LNX2: variants seen among roughly 807,000 people sequenced by gnomAD.
The protein encoded by LNX2 is ligand of Numb protein X 2.
Under a neutral mutation model 66.2 loss-of-function variants are expected in LNX2, and 35 were observed. That is an observed-to-expected ratio of 0.53 (90% CI 0.40 to 0.70). The LOEUF (loss-of-function observed/expected upper bound fraction) is 0.70, where lower values mean the gene tolerates loss of function less well. Among genes scored for constraint, LNX2 ranks in the 30% least tolerant of loss-of-function variants. The probability of loss-of-function intolerance (pLI) is 0.00; values close to 1 mark genes in which losing one functional copy is unlikely to be tolerated. For synonymous variants in LNX2, 337 were observed against 315.6 expected (o/e 1.07, Z -0.72); for missense variants, 791 against 850.8 (o/e 0.93, Z 0.87).
chr13:27,560,580 T>TATATATATATATATATATATATATATAC (rs1361261308), intron 5 of LNX2, among the ~76,000 whole-genome samples: 151 of 147,790 alleles, frequency 1.0e-3, no homozygotes, highest in African/African-American at 3.8e-3. Flanking sequence ...TATATATATA[T>TATATATATATATATATATATATATATAC]ATATAGCATA....
Position 27,613,269 on chromosome 13 carries a change from G to A in LNX2, c.-101+7106C>T, listed in dbSNP as rs143613341. ...CTCTGCAAGGCCAAAAGGTGTCCCTGCAGCAGGGAGGGGAGGGTGAGGTGG... is the reference window on the plus strand; with the variant it reads ...CTCTGCAAGGCCAAAAGGTGTCCCTACAGCAGGGAGGGGAGGGTGAGGTGG... On this transcript the variant is annotated intron_variant, in intron 1 of 9. Transcript: ENST00000316334. 9.3e-4 allele frequency among the ~76,000 whole-genome samples: 142 copies of A among 151,962 alleles called. 2 individuals carry two copies. Among genetic ancestry groups the A allele is most frequent in the South Asian group, 2.1e-3 (10 of 4,824 alleles).
rs577736224 is a variant in LNX2, at chr13:27,553,811, G to C, written c.1547-372C>G. Among the ~76,000 whole-genome samples, 6 of 152,198 alleles carry C rather than the reference G, an allele frequency of 3.9e-5. No homozygotes were observed. In the South Asian group the frequency reaches 1.2e-3, roughly 32 times the overall value. On this transcript the variant is annotated intron_variant, in intron 7 of 9. Transcript: ENST00000316334. The stretch of plus-strand genomic sequence containing the variant: ...AATTCTGTCCAATCAAAAATCACTT[G>C]ATCCTTTGCCCTTAGAAATAAATCT...
rs182278210 is a variant in LNX2, at chr13:27,613,801, C to T, written c.-101+6574G>A. On this transcript the variant is annotated intron_variant, in intron 1 of 9. Coordinates refer to ENST00000316334, the MANE Select transcript of LNX2 (RefSeq NM_153371.4). ...AAAAATAAAAAAATAAAAATACAGG[C>T]GAAGCAAAGGTCACCCGGCTGCAAA... Among the ~76,000 whole-genome samples the T allele has an allele frequency of 4.1e-3, 631 of 152,076 alleles. 3 individuals carry two copies. The highest frequency in any genetic ancestry group is 3.9e-3 in the Non-Finnish European group (266 of 67,974).
intron 2 of LNX2, among the ~76,000 whole-genome samples, chr13:27,571,340 T>C (rs1215375599): frequency 6.6e-6 from 1 of 152,196 alleles, no homozygotes; most frequent in African/African-American, 2.4e-5. Context: ...AATTAGAAGG[T>C]AACCTCAGAA....
In LNX2 at chr13:27,546,788, T is replaced by C. The variant is rs1954944436; in HGVS notation, c.*1547A>G. 1 of 152,166 alleles carries C rather than the reference T, an allele frequency of 6.6e-6. No individual in the cohort carries two copies. Among genetic ancestry groups the C allele is most frequent in the Non-Finnish European group, 1.5e-5 (1 of 68,008 alleles). 9.4% of individuals were successfully genotyped at this position (152,166 alleles called of 1,614,324 possible). On this transcript the variant is annotated 3_prime_UTR_variant, in exon 10 of 10. Coordinates refer to ENST00000316334, the MANE Select transcript of LNX2 (RefSeq NM_153371.4). ...TTCTGAACTAGGTTTCTAAATGAAA[T>C]TTTTTTCAAGTATGTATAATATTAA...
chr13:27,569,410 G>A (rs1304109726), intron 2 of LNX2, 134 bp from the exon 3 acceptor site: 2 of 849,146 alleles, frequency 2.4e-6, no homozygotes, highest in African/African-American at 3.4e-5. Context: ...ACATAGTTCT[G>A]ATCCTAATCT....
chr13:27,564,341 A>C, intron 4 of LNX2, among the ~76,000 whole-genome samples: 2 of 150,502 alleles, frequency 1.3e-5, no homozygotes, highest in Middle Eastern at 3.4e-3. Flanking sequence ...CAGCATAGCA[A>C]ACTATCTCAT....
chr13:27,596,793 A>G lies in LNX2; in HGVS notation c.-100-14990T>C, dbSNP rs1955603379. Among the ~76,000 whole-genome samples the G allele has an allele frequency of 1.3e-5, 2 of 152,230 alleles. 1 individual carries two copies. The highest frequency in any genetic ancestry group is 4.1e-4 in the South Asian group (2 of 4,834). Reference sequence around the variant, plus strand: ...AAGAGAAAAAGCTAAACATTAAAGGAATGACTCTTTAAGACACTGACAAGG... The same window carrying G: ...AAGAGAAAAAGCTAAACATTAAAGGGATGACTCTTTAAGACACTGACAAGG... On this transcript the variant is annotated intron_variant, in intron 1 of 9. Transcript: ENST00000316334.
At chr13:27,558,986 T>A (rs1955096650) in intron 6 of LNX2, among the ~76,000 whole-genome samples, 1 of 152,126 alleles carries the variant, frequency 6.6e-6, no homozygotes, top group Non-Finnish European at 1.5e-5. Context: ...GCAATTTAAT[T>A]TTACTTAAGG....
In LNX2 at chr13:27,550,394, G is replaced by A; in HGVS notation, c.1876C>T (p.Gln626Ter). 6.2e-7 allele frequency: 1 copy of A among 1,613,840 alleles called. No homozygotes were observed. ...VGGYEENHTNQPFFIKTIVLG... is the reference protein window; with the variant it reads ...VGGYEENHTN ...ACAATAGTTTTAATGAAAAAAGGCT[G>A]ATTGGTGTGGTTCTCTTCATATCCA... is the stretch of plus-strand genomic sequence containing the variant. Residue 626 changes from glutamine (Q) to a stop codon, truncating the protein, a stop_gained, in exon 9 of 10, where the codon CAG becomes TAG. Transcript: ENST00000316334. LOFTEE classifies it high-confidence loss of function.
rs1954941726 is a variant in LNX2, at chr13:27,546,580, A to G, written c.*1755T>C. ...CAAATAGATATGTTTTTTAAAAATC[A>G]TTATAAAACTAACTGAAATAATCAG... On this transcript the variant is annotated 3_prime_UTR_variant, in exon 10 of 10. Coordinates refer to ENST00000316334, the MANE Select transcript of LNX2 (RefSeq NM_153371.4). 6.6e-6 allele frequency: 1 copy of G among 152,218 alleles called. No individual in the cohort carries two copies. Among genetic ancestry groups the G allele is most frequent in the African/African-American group, 2.4e-5 (1 of 41,452 alleles). The allele number at this position is 152,218 out of a possible 1,614,324, so 9.4% of individuals were successfully genotyped here. A position where few individuals can be genotyped will look rare whatever the true frequency, so the allele number is the denominator to read the frequency against.
chr13:27,553,007 ACTG>A (rs1484984796), intron 8 of LNX2, among the ~76,000 whole-genome samples, 198 bp downstream of exon 8: 3 of 152,220 alleles, frequency 2.0e-5, no homozygotes, highest in Admixed American at 6.5e-5. Flanking sequence ...AATGGACACA[ACTG>A]CTTTCTTTGT....
At chr13:27,602,278 T>C (rs1566131582) in intron 1 of LNX2, among the ~76,000 whole-genome samples, 1 of 152,140 alleles carries the variant, frequency 6.6e-6, no homozygotes, top group Non-Finnish European at 1.5e-5. Flanking sequence ...TAATTAAGCT[T>C]TTGCTAAATG....
Position 27,556,273 on chromosome 13 carries a change from G to C in LNX2, c.1509C>G (p.Pro503=). Residue 503 remains proline (P), a synonymous_variant, in exon 7 of 10, where the codon CCC becomes CCG. Transcript: ENST00000316334. ...ELPIFVTSVP[P]HGCLARDGRI... Reference sequence around the variant, plus strand: ...TGCCATCTCGTGCAAGGCAGCCATGGGGTGGCACACTGGTCACAAAGATGG... The same window carrying C: ...TGCCATCTCGTGCAAGGCAGCCATGCGGTGGCACACTGGTCACAAAGATGG... The C allele has an allele frequency of 1.2e-6, 2 of 1,613,830 alleles. No homozygotes were observed. Among genetic ancestry groups the C allele is most frequent in the Non-Finnish European group, 1.7e-6 (2 of 1,179,920 alleles).
intron 7 of LNX2, 112 bp downstream of exon 7, chr13:27,556,124 G>C: frequency 9.6e-7 from 1 of 1,044,418 alleles, no homozygotes; most frequent in Non-Finnish European, 1.4e-6. Context: ...ACAGTTTAAA[G>C]AACTTAAAAA....
rs762563769 is a variant in LNX2, at chr13:27,550,441, C to T, written c.1829G>A (p.Ser610Asn). The part of the protein sequence containing the change: ...DIVLRRSYLG[S>N]WGFSIVGGYE... ...TCCACCAACGATACTAAAGCCCCAACTTCCCAAGTAACTTCTTCGTAAAAC... is the reference window on the plus strand; with the variant it reads ...TCCACCAACGATACTAAAGCCCCAATTTCCCAAGTAACTTCTTCGTAAAAC... Residue 610 changes from serine to asparagine, a missense_variant, in exon 9 of 10, where the codon AGT (serine) becomes AAT (asparagine). By Grantham distance (46) the Ser-to-Asn change is conservative. Coordinates refer to ENST00000316334, the MANE Select transcript of LNX2 (RefSeq NM_153371.4). The T allele has an allele frequency of 6.2e-7, 1 of 1,614,096 alleles. No homozygotes were observed. The highest frequency in any genetic ancestry group is 2.2e-5 in the East Asian group (1 of 44,866).
At chr13:27,617,037 T>C (rs140785045) in intron 1 of LNX2, among the ~76,000 whole-genome samples, 2 of 152,322 alleles carry the variant, frequency 1.3e-5, no homozygotes, top group Non-Finnish European at 2.9e-5. Flanking sequence ...CGTGAGTCAC[T>C]GCACCTGGCC....
chr13:27,606,723 A>G (rs1164200024), intron 1 of LNX2, among the ~76,000 whole-genome samples: 1 of 152,208 alleles, frequency 6.6e-6, no homozygotes, highest in Non-Finnish European at 1.5e-5. Context: ...TGGGGTGAAG[A>G]GCTCACCTCA....
At chr13:27,560,789 G>A (rs1482958601) in intron 5 of LNX2, among the ~76,000 whole-genome samples, 2 of 152,014 alleles carry the variant, frequency 1.3e-5, no homozygotes, top group South Asian at 2.1e-4. Context: ...TGACCACAAT[G>A]CCCAATTTTA....
Sources: gnomAD v4.1 joint callset for allele counts (sites outside exome capture counted in the v4.1 genomes callset) on GRCh38, gnomAD v4.1.1 for gene constraint, MANE v1.5 for transcripts, NCBI Gene and HGNC (gene_info 2026-07-23, HGNC 2026-07-21) for gene names.